Variants in DAAM1 observed in about 807,000 individuals in gnomAD.
DAAM1 encodes disheveled-associated activator of morphogenesis 1.
A neutral mutation model predicts 130.0 loss-of-function variants in DAAM1; 52 were observed. That is an observed-to-expected ratio of 0.40 (90% CI 0.32 to 0.50). The LOEUF is 0.50. Among genes scored for constraint, DAAM1 ranks in the 20% least tolerant of loss-of-function variants. The pLI is 0.61. For synonymous variants in DAAM1, 452 were observed against 444.5 expected, an observed-to-expected ratio of 1.02 and a Z score of -0.21; for missense variants, 1,134 against 1,303.8, an observed-to-expected ratio of 0.87 and a Z score of 2.01.
intron 16 of DAAM1, among the ~76,000 whole-genome samples, chr14:59,344,022 C>T (rs918435537): frequency 2.0e-5 from 3 of 152,102 alleles, no homozygotes; most frequent in African/African-American, 4.8e-5. Flanking sequence ...TGTTTTATTC[C>T]CCAAAACAGA....
chr14:59,199,356 C>G (rs78419480), intron 1 of DAAM1, among the ~76,000 whole-genome samples: 12,394 of 152,246 alleles, frequency 0.081, 672 homozygotes, highest in Non-Finnish European at 0.12. Flanking sequence ...CCTCAGCCTC[C>G]GGAGTTGCTG....
chr14:59,339,447 C>A (rs1329743683), intron 15 of DAAM1, among the ~76,000 whole-genome samples: 2 of 152,178 alleles, frequency 1.3e-5, no homozygotes, highest in Non-Finnish European at 2.9e-5. Context: ...TCATAGCTTA[C>A]AGATTTCTAT....
chr14:59,248,541 C>A (rs930100820), intron 1 of DAAM1, among the ~76,000 whole-genome samples: 1 of 152,124 alleles, frequency 6.6e-6, no homozygotes, highest in African/African-American at 2.4e-5. Flanking sequence ...CTCTTTCTTG[C>A]CGCCGCTGGT....
Position 59,324,471 on chromosome 14 carries a change from T to C in DAAM1, c.989+17T>C. 2.7e-6 allele frequency: 4 copies of C among 1,506,216 alleles called. No individual in the cohort carries two copies. The highest frequency in any genetic ancestry group is 1.4e-5 in the African/African-American group (1 of 71,644). The allele number at this position is 1,506,216 out of a possible 1,614,324, so 93.3% of individuals were successfully genotyped here. A position where few individuals can be genotyped will look rare whatever the true frequency, so the allele number is the denominator to read the frequency against. The stretch of plus-strand genomic sequence containing the variant: ...ATTAGATAGGTAAGTCAGACTATTA[T>C]GATGTGAGAAAGTTTCTGTGTTTCC... On this transcript the variant is annotated intron_variant, in intron 8 of 24. Coordinates refer to ENST00000360909, the MANE Select transcript of DAAM1 (RefSeq NM_001270520.2).
At chr14:59,303,259 G>A (rs901572488) in intron 3 of DAAM1, among the ~76,000 whole-genome samples, 2 of 152,142 alleles carry the variant, frequency 1.3e-5, no homozygotes, top group Non-Finnish European at 2.9e-5. Context: ...GTGAAACTCA[G>A]AGTGAGTTTC....
intron 1 of DAAM1, among the ~76,000 whole-genome samples, chr14:59,252,693 A>G (rs1881702212): frequency 6.7e-6 from 1 of 148,408 alleles, no homozygotes; most frequent in Non-Finnish European, 1.5e-5. Context: ...TATTTCCACC[A>G]AACAGTAGTT....
At chr14:59,269,742 A>G (rs1882627606) in intron 2 of DAAM1, among the ~76,000 whole-genome samples, 1 of 152,218 alleles carries the variant, frequency 6.6e-6, no homozygotes, top group African/African-American at 2.4e-5. Context: ...GTGAGGCATG[A>G]AAAACAAGAA....
intron 3 of DAAM1, among the ~76,000 whole-genome samples, chr14:59,310,970 C>CA (rs71111624): frequency 0.55 from 82,843 of 150,838 alleles, 23,473 homozygotes; most frequent in East Asian, 0.89. Flanking sequence ...TGAAAAAAAA[C>CA]AAAAAAAACA....
At chr14:59,274,816 T>C (rs1882886797) in intron 2 of DAAM1, among the ~76,000 whole-genome samples, 1 of 152,220 alleles carries the variant, frequency 6.6e-6, no homozygotes, top group Non-Finnish European at 1.5e-5. Context: ...TTACTCTTTC[T>C]TCTCATTAAA....
chr14:59,219,591 A>G (rs1490118990), intron 1 of DAAM1, among the ~76,000 whole-genome samples: 1 of 152,168 alleles, frequency 6.6e-6, no homozygotes, highest in Non-Finnish European at 1.5e-5. Flanking sequence ...TATGTAGACT[A>G]TTATACGGTA....
chr14:59,339,227 G>T (rs1885751930), intron 15 of DAAM1, among the ~76,000 whole-genome samples: 1 of 152,210 alleles, frequency 6.6e-6, no homozygotes, highest in Admixed American at 6.5e-5. Flanking sequence ...ATACAACTTT[G>T]CAAAAGAAAG....
intron 1 of DAAM1, among the ~76,000 whole-genome samples, chr14:59,242,449 C>T (rs530788066): frequency 1.3e-5 from 2 of 152,314 alleles, no homozygotes; most frequent in Non-Finnish European, 1.5e-5. Flanking sequence ...GTCACTCCAT[C>T]CCCTGGACAG....
intron 1 of DAAM1, among the ~76,000 whole-genome samples, chr14:59,215,567 C>T (rs531098804): frequency 6.6e-6 from 1 of 152,294 alleles, no homozygotes; most frequent in East Asian, 1.9e-4. Context: ...CTGCACCAGG[C>T]CGAAGTGTTT....
At chr14:59,258,747 A>G (rs1240614954) in intron 1 of DAAM1, among the ~76,000 whole-genome samples, 1 of 152,210 alleles carries the variant, frequency 6.6e-6, no homozygotes, top group East Asian at 1.9e-4. Flanking sequence ...TCTCCAACAC[A>G]TGCCATCATC....
intron 1 of DAAM1, among the ~76,000 whole-genome samples, chr14:59,230,597 G>A (rs1432218865): frequency 6.6e-6 from 1 of 152,126 alleles, no homozygotes. Flanking sequence ...AGGCTGGGAA[G>A]GGTAGTGGGG....
chr14:59,294,498 A>G (rs963924509), intron 3 of DAAM1, among the ~76,000 whole-genome samples: 2 of 152,178 alleles, frequency 1.3e-5, no homozygotes, highest in Non-Finnish European at 2.9e-5. Flanking sequence ...TGAAAGTCCA[A>G]ACAAATCTAA....
intron 3 of DAAM1, among the ~76,000 whole-genome samples, chr14:59,313,102 C>T (rs548903678): frequency 6.6e-6 from 1 of 152,292 alleles, no homozygotes; most frequent in South Asian, 2.1e-4. Context: ...AGAACAATTG[C>T]ATTCATCTCC....
intron 3 of DAAM1, among the ~76,000 whole-genome samples, chr14:59,292,238 G>C (rs1883770190): frequency 1.3e-5 from 2 of 152,188 alleles, no homozygotes; most frequent in South Asian, 4.1e-4. Flanking sequence ...TGGACACTTT[G>C]ATGACTCACT....
At chr14:59,262,674 G>GTA (rs1882227687) in intron 1 of DAAM1, among the ~76,000 whole-genome samples, 1 of 151,152 alleles carries the variant, frequency 6.6e-6, no homozygotes, top group Non-Finnish European at 1.5e-5. Flanking sequence ...GTGTGTGTGT[G>GTA]TGTGTGTGTG....
Sources: gnomAD v4.1 joint callset for allele counts (sites outside exome capture counted in the v4.1 genomes callset) on GRCh38, gnomAD v4.1.1 for gene constraint, MANE v1.5 for transcripts, NCBI Gene and HGNC (gene_info 2026-07-23, HGNC 2026-07-21) for gene names.